PCDHGA3: variants seen among roughly 807,000 people sequenced by gnomAD.
PCDHGA3 encodes the protein protocadherin gamma subfamily A, 3.
Under a neutral mutation model 58.5 loss-of-function variants are expected in PCDHGA3, and 40 were observed. That is an observed-to-expected ratio of 0.68 (90% confidence interval 0.53 to 0.89). PCDHGA3 has a LOEUF of 0.89. Among genes scored for constraint, PCDHGA3 ranks in the 40% least tolerant of loss-of-function variants. The pLI, the probability that PCDHGA3 is intolerant of heterozygous loss-of-function variation, is 0.00. For missense variants in PCDHGA3, 1,223 were observed against 1,195.9 expected (o/e 1.02, Z -0.33); for synonymous variants, 530 against 525.7 (o/e 1.01, Z -0.11).
rs746968245 is a variant in PCDHGA3, at chr5:141,489,575, A to AC, written c.2425-5227dup. 2 of 1,613,788 alleles carry AC rather than the reference A, an allele frequency of 1.2e-6. No homozygotes were observed. Among genetic ancestry groups the AC allele is most frequent in the Non-Finnish European group, 1.7e-6 (2 of 1,179,960 alleles). On this transcript the variant is annotated intron_variant, in intron 1 of 3. Coordinates refer to ENST00000253812, the MANE Select transcript of PCDHGA3 (RefSeq NM_018916.4). The surrounding 1 kb of genome is among the most constrained non-coding windows in gnomAD (Gnocchi z 4.5). ...CTGCCAGTGCAGGTGGTGACTGAACACCCCCTGGAGCTAATCCGTGTAGAG... is the reference window on the plus strand; with the variant it reads ...CTGCCAGTGCAGGTGGTGACTGAACACCCCCCTGGAGCTAATCCGTGTAGAG...
At chr5:141,468,346 A>AG (rs2099164784) in intron 1 of PCDHGA3, 33 of 147,324 alleles carry the variant, frequency 2.2e-4, no homozygotes, top group Middle Eastern at 6.9e-3. Flanking sequence ...AAAAAAAAAA[A>AG]AAAGAAAGAA....
chr5:141,432,025 G>T lies in PCDHGA3; in HGVS notation c.2425-62782G>T. ...AGGTTCCTAGCTACAACATCACAGT[G>T]ACCGCCACTGACCGGGGAACCCCGC... On this transcript the variant is annotated intron_variant, in intron 1 of 3. Coordinates refer to ENST00000253812, the MANE Select transcript of PCDHGA3 (RefSeq NM_018916.4). The surrounding 1 kb of genome is among the most constrained non-coding windows in gnomAD (Gnocchi z 6.0). The T allele has an allele frequency of 6.2e-7, 1 of 1,614,158 alleles. No homozygotes were observed. The highest frequency in any genetic ancestry group is 1.1e-5 in the South Asian group (1 of 91,058).
rs1054850118 is a variant in PCDHGA3, at chr5:141,366,673, T to C, written c.2424+20216T>C. The C allele has an allele frequency of 6.2e-6, 10 of 1,614,120 alleles. No homozygotes were observed. The African/African-American group carries it at 1.3e-4, about 22-fold the overall frequency. The stretch of plus-strand genomic sequence containing the variant: ...CCAACTACGCAGACACGCTCCTTAG[T>C]GAAGAGAGCTGTGAGAAAAGCGAGC... On this transcript the variant is annotated intron_variant, in intron 1 of 3. Transcript: ENST00000253812.
chr5:141,489,363 G>T lies in PCDHGA3; in HGVS notation c.2425-5444G>T, dbSNP rs767837736. 20 of 1,613,114 alleles carry T rather than the reference G, an allele frequency of 1.2e-5. No homozygotes were observed. Among genetic ancestry groups the T allele is most frequent in the Non-Finnish European group, 1.7e-5 (20 of 1,179,354 alleles). ...ACTCAGTGGTGGAGGAGTCTGAGCCGGGGACGCTGGTGGGGAATGTTGCTC... is the reference window on the plus strand; with the variant it reads ...ACTCAGTGGTGGAGGAGTCTGAGCCTGGGACGCTGGTGGGGAATGTTGCTC... On this transcript the variant is annotated intron_variant, in intron 1 of 3. Transcript: ENST00000253812. The surrounding 1 kb of genome is among the most constrained non-coding windows in gnomAD (Gnocchi z 4.5).
intron 1 of PCDHGA3, chr5:141,390,043 C>A (rs1022492557): frequency 1.9e-6 from 3 of 1,613,946 alleles, no homozygotes; most frequent in Non-Finnish European, 2.5e-6. Context: ...TCCAGCCCCG[C>A]CTCCTGGAGC....
intron 1 of PCDHGA3, chr5:141,378,812 C>A (rs1775174310): frequency 6.6e-6 from 1 of 152,148 alleles, no homozygotes; most frequent in Admixed American, 6.5e-5. Flanking sequence ...CAAACAGAAT[C>A]ATTGTTTCAT....
At chr5:141,428,114 C>CG in intron 1 of PCDHGA3, 2 of 1,607,202 alleles carry the variant, frequency 1.2e-6, no homozygotes, top group Non-Finnish European at 1.7e-6. Flanking sequence ...TGCAGGCCAT[C>CG]GAGCCCGGGC....
At chr5:141,408,317 G>A in intron 1 of PCDHGA3, 1 of 1,613,892 alleles carries the variant, frequency 6.2e-7, no homozygotes, top group Non-Finnish European at 8.5e-7. Context: ...CTCGATTCCG[G>A]AGGAGCTGGC....
chr5:141,362,447 C>T (rs769703158), intron 1 of PCDHGA3: 1 of 1,614,048 alleles, frequency 6.2e-7, no homozygotes, highest in Non-Finnish European at 8.5e-7. Flanking sequence ...CTGAACATAA[C>T]CCCGGAATTG....
chr5:141,390,130 C>T lies in PCDHGA3; in HGVS notation c.2424+43673C>T. On this transcript the variant is annotated intron_variant, in intron 1 of 3. Coordinates refer to ENST00000253812, the MANE Select transcript of PCDHGA3 (RefSeq NM_018916.4). Reference sequence around the variant, plus strand: ...TACAGCGAGGGGACTTTGCCTTATTCCTACAATCTATGTGTTGCACATACA... The same window carrying T: ...TACAGCGAGGGGACTTTGCCTTATTTCTACAATCTATGTGTTGCACATACA... 6.2e-7 allele frequency: 1 copy of T among 1,614,034 alleles called. No individual in the cohort carries two copies. Among genetic ancestry groups the T allele is most frequent in the Non-Finnish European group, 8.5e-7 (1 of 1,179,898 alleles).
chr5:141,417,185 A>C (rs2096092787), intron 1 of PCDHGA3: 1 of 152,216 alleles, frequency 6.6e-6, no homozygotes, highest in Admixed American at 6.5e-5. Context: ...AGGAATTATT[A>C]CTTTCTGGGT....
chr5:141,371,138 G>T (rs761615775), intron 1 of PCDHGA3: 2 of 1,613,988 alleles, frequency 1.2e-6, no homozygotes, highest in South Asian at 1.1e-5. Flanking sequence ...ACATGTACAG[G>T]GTCAATGTTG....
In PCDHGA3 at chr5:141,490,598, G is replaced by A. The variant is rs141484080; in HGVS notation, c.2425-4209G>A. On this transcript the variant is annotated intron_variant, in intron 1 of 3. Transcript: ENST00000253812. This position sits in a 1 kb window ranked among gnomAD's most constrained non-coding sequence, Gnocchi z 5.4. ...TCAGATGTCAATGACAATGCACCCC[G>A]CTTCAACCAGCAGCTTTACACTGCT... 309 of 1,614,062 alleles carry A rather than the reference G, an allele frequency of 1.9e-4. 2 individuals carry two copies. Among genetic ancestry groups the A allele is most frequent in the Admixed American group, 5.0e-4 (30 of 60,018 alleles).
In PCDHGA3 at chr5:141,343,961, T is replaced by G; in HGVS notation, c.-73T>G. 40 of 1,354,018 alleles carry G rather than the reference T, an allele frequency of 3.0e-5. No homozygotes were observed. Among genetic ancestry groups the G allele is most frequent in the Non-Finnish European group, 3.7e-5 (37 of 1,003,192 alleles). 83.9% of individuals were successfully genotyped at this position (1,354,018 alleles called of 1,614,324 possible). ...TAGGCCCGTAAAAGACTTCGTTTCT[T>G]GAGAAAATAAGATTGGAGTCCGTCG... On this transcript the variant is annotated 5_prime_UTR_variant, in exon 1 of 4. Transcript: ENST00000253812.
intron 1 of PCDHGA3, chr5:141,371,745 G>A (rs767038146): frequency 2.5e-6 from 4 of 1,613,884 alleles, no homozygotes; most frequent in Middle Eastern, 1.6e-4. Flanking sequence ...CAACGTTCCC[G>A]TTTTCCACCA....
At position 141,393,231 on chromosome 5, in the gene PCDHGA3, G is replaced by A. The variant is rs1309107381; in HGVS notation, c.2424+46774G>A. On this transcript the variant is annotated intron_variant, in intron 1 of 3. Transcript: ENST00000253812. Reference sequence around the variant, plus strand: ...AAAATTCCAGGTCGAAGATCTAGAAGTAAAAATTAACGAAATCGCGGTTCC... The same window carrying A: ...AAAATTCCAGGTCGAAGATCTAGAAATAAAAATTAACGAAATCGCGGTTCC... 2.5e-6 allele frequency: 4 copies of A among 1,613,738 alleles called. 1 individual carries two copies. In the South Asian group the frequency reaches 4.4e-5, roughly 18 times the overall value.
intron 1 of PCDHGA3, among the ~76,000 whole-genome samples, chr5:141,444,408 T>G (rs1591815532): frequency 6.6e-6 from 1 of 152,124 alleles, no homozygotes; most frequent in East Asian, 1.9e-4. Context: ...CAACCTCAGG[T>G]GATCTTCCCT....
At chr5:141,480,763 A>G (rs541754723) in intron 1 of PCDHGA3, among the ~76,000 whole-genome samples, 1 of 152,308 alleles carries the variant, frequency 6.6e-6, no homozygotes, top group East Asian at 1.9e-4. Flanking sequence ...GAAGGTCCCC[A>G]CTTGATCCTA....
intron 1 of PCDHGA3, among the ~76,000 whole-genome samples, chr5:141,461,100 T>C (rs926482549): frequency 1.1e-4 from 16 of 152,062 alleles, no homozygotes; most frequent in African/African-American, 3.6e-4. Context: ...TATAAACATA[T>C]GTGTCCAAGT....
Sources: allele counts gnomAD v4.1 joint callset (sites outside exome capture counted in the v4.1 genomes callset), GRCh38; gene constraint gnomAD v4.1.1; non-coding constraint Gnocchi (gnomAD v3.1); transcripts MANE v1.5; gene names NCBI Gene and HGNC (gene_info 2026-07-23, HGNC 2026-07-21).